UBP1: variants seen among roughly 807,000 people sequenced by gnomAD.
UBP1 encodes the protein upstream binding protein 1, also known as upstream-binding protein 1.
Under a neutral mutation model 76.1 loss-of-function variants are expected in UBP1, and 22 were observed. That is an observed-to-expected ratio of 0.29 (90% CI 0.21 to 0.41). The LOEUF is 0.41. UBP1 is among the 10% of genes least tolerant of loss of function. The probability of loss-of-function intolerance (pLI) is 1.00; values close to 1 mark genes in which losing one functional copy is unlikely to be tolerated. For missense variants in UBP1, 436 were observed against 668.1 expected, an observed-to-expected ratio of 0.65 and a Z score of 3.83; for synonymous variants, 224 against 237.1, an observed-to-expected ratio of 0.94 and a Z score of 0.51.
chr3:33,397,116 C>T lies in UBP1; in HGVS notation c.1200G>A (p.Leu400=). Residue 400 remains leucine (L), a synonymous_variant, in exon 12 of 16, where the codon CTG becomes CTA. Coordinates refer to ENST00000283629, the MANE Select transcript of UBP1 (RefSeq NM_014517.5). ...AAATTTGAACTAAATCCTCCTTTGT[C>T]AGTTTTAATAAGTCGGCACCTAGAG... The part of the protein sequence containing the change: ...SNFSGADLLK[L]TKEDLVQICG... 1 of 1,597,384 alleles carries T rather than the reference C, an allele frequency of 6.3e-7. No homozygotes were observed. The highest frequency in any genetic ancestry group is 8.5e-7 in the Non-Finnish European group (1 of 1,175,046).
At chr3:33,427,019 G>A (rs1213838654) in intron 1 of UBP1, among the ~76,000 whole-genome samples, 1 of 152,234 alleles carries the variant, frequency 6.6e-6, no homozygotes, top group African/African-American at 2.4e-5. Context: ...CCAGGCTGGA[G>A]TGCAGTGGTG....
intron 15 of UBP1, 112 bp from the exon 16 acceptor site, chr3:33,390,480 T>C: frequency 8.9e-7 from 1 of 1,129,504 alleles, no homozygotes; most frequent in Non-Finnish European, 1.3e-6. Context: ...GAGGTTACCT[T>C]TAAATGATTC....
chr3:33,390,274 C>A lies in UBP1; in HGVS notation c.*57G>T. On this transcript the variant is annotated 3_prime_UTR_variant, in exon 16 of 16. Transcript: ENST00000283629. ...CCCAAGACTTCTTGGATTCAGTCTT[C>A]ACACACTTTTAAGCGTGACTATTTG... 1 of 1,536,926 alleles carries A rather than the reference C, an allele frequency of 6.5e-7. No individual in the cohort carries two copies. The highest frequency in any genetic ancestry group is 8.9e-7 in the Non-Finnish European group (1 of 1,117,988).
intron 8 of UBP1, among the ~76,000 whole-genome samples, chr3:33,406,001 T>C (rs1240761753): frequency 1.3e-5 from 2 of 152,222 alleles, no homozygotes; most frequent in African/African-American, 4.8e-5. Flanking sequence ...CTATTATCAG[T>C]CAGCTTTCAA....
Position 33,400,971 on chromosome 3 carries a change from G to T in UBP1, c.1077C>A (p.Thr359=). 1 of 1,595,666 alleles carries T rather than the reference G, an allele frequency of 6.3e-7. No homozygotes were observed. Among genetic ancestry groups the T allele is most frequent in the Non-Finnish European group, 8.5e-7 (1 of 1,173,604 alleles). Residue 359 remains threonine, a synonymous_variant, in exon 10 of 16, where the codon ACC becomes ACA. Transcript: ENST00000283629. ...GGAGAAAGATACTTACTTCACCAGAGGTCTGTGAAGCTCCATCTCCCTGAT... is the reference window on the plus strand; with the variant it reads ...GGAGAAAGATACTTACTTCACCAGATGTCTGTGAAGCTCCATCTCCCTGAT... The part of the protein sequence containing the change: ...PNHQGDGASQ[T]SGEQIQPSAT...
In UBP1 at chr3:33,425,711, C is replaced by T; in HGVS notation, c.144G>A (p.Gln48=). 1 of 1,598,972 alleles carries T rather than the reference C, an allele frequency of 6.3e-7. No individual in the cohort carries two copies. The highest frequency in any genetic ancestry group is 1.7e-5 in the Admixed American group (1 of 59,866). The change falls in exon 2 of 16, where the codon CAG becomes CAA. Residue 48 remains glutamine, a synonymous_variant. Transcript: ENST00000283629. ...SDVLALPIFK[Q]EDSSLPLDGE... ...CATCCAATGGAAGGCTGGAATCTTCCTGCTTGAAAATGGGCAATGCCAAGA... is the reference window on the plus strand; with the variant it reads ...CATCCAATGGAAGGCTGGAATCTTCTTGCTTGAAAATGGGCAATGCCAAGA...
intron 1 of UBP1, among the ~76,000 whole-genome samples, chr3:33,426,053 T>A (rs2045012798): frequency 1.7e-5 from 2 of 118,174 alleles, no homozygotes; most frequent in African/African-American, 3.4e-5. Flanking sequence ...CTTTAAAAAC[T>A]TCTTTTAAAA....
In UBP1 at chr3:33,439,705, G is replaced by A. The variant is rs750708866; in HGVS notation, c.113+31C>T. 24 of 1,606,806 alleles carry A rather than the reference G, an allele frequency of 1.5e-5. No homozygotes were observed. The South Asian group carries it at 2.4e-4, about 16-fold the overall frequency. On this transcript the variant is annotated intron_variant, in intron 1 of 15. Transcript: ENST00000283629. ...TGCGCAGGCCTTCCCCAAGGAGACA[G>A]AGGCTTCTCCCCGCCCAGGGAGCCC... is the stretch of plus-strand genomic sequence containing the variant.
rs1575496706 is a variant in UBP1 at position 33,440,003 on chromosome 3, G to A, written c.-155C>T. The A allele has an allele frequency of 8.5e-6, 6 of 705,004 alleles. No homozygotes were observed. The highest frequency in any genetic ancestry group is 3.8e-5 in the African/African-American group (2 of 52,042). The allele number at this position is 705,004 out of a possible 1,614,324, so 43.7% of individuals were successfully genotyped here. ...GGCGGCCGGGACGAGAGCTGCGGGG[G>A]CCCCACTGGCAGGGCACGACGAGCC... On this transcript the variant is annotated 5_prime_UTR_variant, in exon 1 of 16. Coordinates refer to ENST00000283629, the MANE Select transcript of UBP1 (RefSeq NM_014517.5).
chr3:33,432,075 C>G (rs1470941343), intron 1 of UBP1, among the ~76,000 whole-genome samples: 1 of 152,124 alleles, frequency 6.6e-6, no homozygotes, highest in Non-Finnish European at 1.5e-5. Context: ...CACCTGTAAT[C>G]TCAACACTTT....
At chr3:33,393,258 C>G in intron 14 of UBP1, 54 bp downstream of exon 14, 1 of 1,503,390 alleles carries the variant, frequency 6.7e-7, no homozygotes, top group Non-Finnish European at 8.9e-7. Flanking sequence ...TCTACAATTA[C>G]ATGTATAAAA....
chr3:33,409,403 G>C (rs573345131), intron 6 of UBP1, 46 bp downstream of exon 6: 1 of 1,613,744 alleles, frequency 6.2e-7, no homozygotes, highest in Admixed American at 1.7e-5. Flanking sequence ...AGCTTTACAG[G>C]CAAAACTGAG....
intron 6 of UBP1, 39 bp from the exon 7 acceptor site, chr3:33,409,385 A>C (rs1352930638): frequency 6.2e-7 from 1 of 1,613,838 alleles, no homozygotes; most frequent in Non-Finnish European, 8.5e-7. Context: ...ATCAGGCTGC[A>C]GACACACAGC....
At chr3:33,407,518 GT>G (rs1215478291) in intron 8 of UBP1, among the ~76,000 whole-genome samples, 6 of 146,940 alleles carry the variant, frequency 4.1e-5, no homozygotes, top group Non-Finnish European at 8.9e-5. Context: ...ATATACAGCT[GT>G]TTTAACAATC....
intron 8 of UBP1, 83 bp downstream of exon 8, chr3:33,408,607 T>C: frequency 8.6e-7 from 1 of 1,161,036 alleles, no homozygotes; most frequent in African/African-American, 1.6e-5. Flanking sequence ...AATTTTGGCT[T>C]TACTTTGCGG....
intron 1 of UBP1, among the ~76,000 whole-genome samples, chr3:33,425,996 A>AATAT (rs60739079): frequency 0.013 from 736 of 54,814 alleles, 20 homozygotes; most frequent in Non-Finnish European, 0.016. Context: ...GGCAGCTCTG[A>AATAT]ATATATATAT....
At chr3:33,413,909 T>C (rs1575476141) in intron 3 of UBP1, among the ~76,000 whole-genome samples, 1 of 152,130 alleles carries the variant, frequency 6.6e-6, no homozygotes, top group Non-Finnish European at 1.5e-5. Context: ...ATGCCAGTGG[T>C]TCACATCTGC....
chr3:33,399,946 G>A (rs909977299), intron 11 of UBP1, among the ~76,000 whole-genome samples: 30 of 152,028 alleles, frequency 2.0e-4, no homozygotes, highest in African/African-American at 7.2e-4. Flanking sequence ...ACACACAAAT[G>A]AGGTCACGTA....
intron 1 of UBP1, among the ~76,000 whole-genome samples, chr3:33,431,580 C>A (rs113675647): frequency 0.014 from 2,113 of 151,536 alleles, 20 homozygotes; most frequent in South Asian, 0.027. Flanking sequence ...TACTAAAAAA[C>A]TACAAAAAAA....
Sources: allele counts gnomAD v4.1 joint callset (sites outside exome capture counted in the v4.1 genomes callset), GRCh38; gene constraint gnomAD v4.1.1; transcripts MANE v1.5; gene names NCBI Gene and HGNC (gene_info 2026-07-23, HGNC 2026-07-21).